The following PLCE1 variants were observed in gnomAD, a reference collection of about 807,000 sequenced individuals.
PLCE1 encodes the protein 1-phosphatidylinositol 4,5-bisphosphate phosphodiesterase epsilon-1.
In PLCE1, 119 loss-of-function variants were observed where a neutral mutation model predicts 242.8. That is an observed-to-expected ratio of 0.49 (90% CI 0.42 to 0.57). PLCE1 has a LOEUF of 0.57. Ranked by LOEUF, PLCE1 falls within the 20% of genes least tolerant of loss-of-function variation. The probability of loss-of-function intolerance (pLI) is 0.00; values close to 1 mark genes in which losing one functional copy is unlikely to be tolerated. For missense variants in PLCE1, 2,441 were observed against 2,788.8 expected (o/e 0.88, Z 2.81); for synonymous variants, 945 against 1,017.4 (o/e 0.93, Z 1.35).
At chr10:94,087,418 C>T (rs186467661) in intron 2 of PLCE1, among the ~76,000 whole-genome samples, 1 of 151,138 alleles carries the variant, frequency 6.6e-6, no homozygotes, top group Admixed American at 6.6e-5. Context: ...AACCCTAGAG[C>T]CCATCTAAGT....
At chr10:94,206,573 C>G (rs1261223663) in intron 4 of PLCE1, among the ~76,000 whole-genome samples, 2 of 152,198 alleles carry the variant, frequency 1.3e-5, no homozygotes, top group East Asian at 3.8e-4. Context: ...CAGCTTGGCC[C>G]TGTGGGTGGT....
chr10:94,256,982 A>G (rs2051122998), intron 11 of PLCE1, among the ~76,000 whole-genome samples: 1 of 152,220 alleles, frequency 6.6e-6, no homozygotes, highest in Non-Finnish European at 1.5e-5. Context: ...GAAGCAAGAC[A>G]GGAAATTTAC....
intron 4 of PLCE1, among the ~76,000 whole-genome samples, chr10:94,226,690 A>C (rs1206233560): frequency 6.6e-6 from 1 of 152,086 alleles, no homozygotes; most frequent in East Asian, 1.9e-4. Context: ...AATATCTTTC[A>C]ATCAAAATTA....
intron 4 of PLCE1, among the ~76,000 whole-genome samples, chr10:94,196,616 A>AAAAT (rs974041918): frequency 5.3e-5 from 8 of 152,076 alleles, no homozygotes; most frequent in Non-Finnish European, 8.8e-5. Context: ...ACCCATCTCT[A>AAAAT]AAATAAATAA....
rs74151066 is a variant in PLCE1 at position 94,143,687 on chromosome 10, G to T, written c.1492+11228G>T. 3.9e-3 allele frequency among the ~76,000 whole-genome samples: 601 copies of T among 152,236 alleles called. 5 individuals are homozygous for T. Among genetic ancestry groups the T allele is most frequent in the African/African-American group, 0.014 (577 of 41,544 alleles). On this transcript the variant is annotated intron_variant, in intron 3 of 32. Transcript: ENST00000371380. ...ATTATTACAGTTAAAGTAACAAAAAGATATTTTTAACGGTGTTTAGATTTT... is the reference window on the plus strand; with the variant it reads ...ATTATTACAGTTAAAGTAACAAAAATATATTTTTAACGGTGTTTAGATTTT...
At chr10:94,304,760 G>A in intron 25 of PLCE1, 115 bp downstream of exon 25, 1 of 947,624 alleles carries the variant, frequency 1.1e-6, no homozygotes, top group Non-Finnish European at 1.7e-6. Flanking sequence ...GGGTCATACA[G>A]ATTTAGTTCC....
At chr10:94,041,525 T>C (rs1431226711) in intron 2 of PLCE1, among the ~76,000 whole-genome samples, 1 of 152,186 alleles carries the variant, frequency 6.6e-6, no homozygotes, top group Non-Finnish European at 1.5e-5. Context: ...TTAGAACCCT[T>C]GAGAAAGTTT....
chr10:94,201,230 C>T (rs190265265), intron 4 of PLCE1, among the ~76,000 whole-genome samples: 85 of 152,200 alleles, frequency 5.6e-4, no homozygotes, highest in South Asian at 2.1e-3. Flanking sequence ...AAAAATATTC[C>T]AGTTGCTCCA....
chr10:94,227,280 C>T (rs763743328), intron 4 of PLCE1, 26 bp from the exon 5 acceptor site: 18 of 1,612,272 alleles, frequency 1.1e-5, no homozygotes, highest in Middle Eastern at 1.7e-4. Flanking sequence ...ACATAATTCC[C>T]GTGAATGTCT....
intron 1 of PLCE1, among the ~76,000 whole-genome samples, chr10:94,010,301 T>A (rs2061144496): frequency 6.6e-6 from 1 of 152,200 alleles, no homozygotes; most frequent in Non-Finnish European, 1.5e-5. Flanking sequence ...GGCAGGAGTG[T>A]CCAGGGTCTG....
At chr10:94,226,701 T>C (rs1487098016) in intron 4 of PLCE1, among the ~76,000 whole-genome samples, 1 of 152,102 alleles carries the variant, frequency 6.6e-6, no homozygotes, top group Non-Finnish European at 1.5e-5. Context: ...ATCAAAATTA[T>C]CCTTAGGCCT....
At chr10:94,294,946 T>C (rs2052759826) in intron 23 of PLCE1, among the ~76,000 whole-genome samples, 1 of 148,334 alleles carries the variant, frequency 6.7e-6, no homozygotes, top group African/African-American at 2.5e-5. Flanking sequence ...GACGGAGTCT[T>C]GCTCTGTCAC....
rs1430243872 is a variant in PLCE1, at chr10:94,270,519, A to G, written c.4423A>G (p.Ile1475Val). The change falls in exon 18 of 33, where the codon ATC (isoleucine) becomes GTC (valine). Residue 1475 changes from isoleucine (I) to valine (V), a missense_variant. Around this residue, in one of 5 missense-constraint regions of PLCE1, gnomAD observed 1,004 missense variants for 1,322.7 expected, o/e 0.76. Transcript: ENST00000371380. ...VVEAIDRSAF[I>V]NSDLPIIISI... ...TGAAGCCATTGATCGCAGTGCCTTC[A>G]TCAACTCTGACCTGCCAATCATCAT... 1 of 1,613,942 alleles carries G rather than the reference A, an allele frequency of 6.2e-7. No homozygotes were observed. Among genetic ancestry groups the G allele is most frequent in the Non-Finnish European group, 8.5e-7 (1 of 1,179,844 alleles).
chr10:94,089,078 G>A, intron 2 of PLCE1: 1 of 1,611,428 alleles, frequency 6.2e-7, no homozygotes, highest in Non-Finnish European at 8.5e-7. Flanking sequence ...GCTTCATTCA[G>A]TGGGTCGTGG....
intron 2 of PLCE1, among the ~76,000 whole-genome samples, chr10:94,092,755 AG>A (rs1212694895): frequency 1.3e-5 from 2 of 152,180 alleles, no homozygotes; most frequent in African/African-American, 4.8e-5. Context: ...CCCAGTAAAA[AG>A]GTTCACACAT....
At chr10:94,228,107 C>A (rs1366688324) in intron 5 of PLCE1, among the ~76,000 whole-genome samples, 1 of 152,242 alleles carries the variant, frequency 6.6e-6, no homozygotes, top group Admixed American at 6.5e-5. Context: ...GGTTTCGGAG[C>A]CCATGAGCTT....
chr10:94,160,006 T>A (rs1477696451), intron 3 of PLCE1, among the ~76,000 whole-genome samples: 1 of 152,242 alleles, frequency 6.6e-6, no homozygotes, highest in Non-Finnish European at 1.5e-5. Flanking sequence ...ATTTTCTTAA[T>A]CTGGTCTATC....
chr10:94,072,370 A>G (rs1048390571), intron 2 of PLCE1, among the ~76,000 whole-genome samples: 4 of 151,698 alleles, frequency 2.6e-5, no homozygotes, highest in Admixed American at 6.6e-5. Flanking sequence ...TCTGCCTCCC[A>G]GGTTCACGCC....
chr10:94,138,275 C>T (rs997947545), intron 3 of PLCE1: 4 of 340,422 alleles, frequency 1.2e-5, no homozygotes, highest in African/African-American at 2.1e-5. Flanking sequence ...GCATATTGTG[C>T]GTATTGACCT....
Sources: gnomAD v4.1 joint callset for allele counts (sites outside exome capture counted in the v4.1 genomes callset) on GRCh38, gnomAD v4.1.1 for gene constraint, gnomAD v4.1.1 regional missense constraint, MANE v1.5 for transcripts, NCBI Gene and HGNC (gene_info 2026-07-23, HGNC 2026-07-21) for gene names.